Variants in RIMS1 observed in about 807,000 individuals in gnomAD.
The protein encoded by RIMS1 is regulating synaptic membrane exocytosis protein 1.
RIMS1 carries 83 observed loss-of-function variants against 214.1 expected under a neutral mutation model. That is an observed-to-expected ratio of 0.39 (90% CI 0.32 to 0.47). The LOEUF is 0.47. RIMS1 is among the 20% of genes least tolerant of loss of function. The pLI is 0.99. For missense variants in RIMS1, 2,050 were observed against 2,161.8 expected (o/e 0.95, Z 1.03); for synonymous variants, 793 against 786.8 (o/e 1.01, Z -0.13).
At chr6:72,207,506 A>G (rs2053134137) in intron 6 of RIMS1, among the ~76,000 whole-genome samples, 1 of 152,176 alleles carries the variant, frequency 6.6e-6, no homozygotes, top group South Asian at 2.1e-4. Context: ...GTCCATGACT[A>G]TACCTAGGAA....
chr6:71,905,636 A>T (rs1008856044), intron 1 of RIMS1, among the ~76,000 whole-genome samples: 2 of 152,188 alleles, frequency 1.3e-5, no homozygotes, highest in African/African-American at 4.8e-5. Flanking sequence ...TGATTTAAAA[A>T]AAATTAACTT....
Position 72,103,575 on chromosome 6 carries a change from A to T in RIMS1, c.471+3589A>T, listed in dbSNP as rs575226408. ...AAATTAGCCTTTTCTAGTATAAGGA[A>T]AGGGCTATGGTAGAAAGAGCTTCCA... On this transcript the variant is annotated intron_variant, in intron 4 of 33. Transcript: ENST00000521978. Among the ~76,000 whole-genome samples, 9 of 152,204 alleles carry T rather than the reference A, an allele frequency of 5.9e-5. No homozygotes were observed. In the East Asian group the frequency reaches 1.7e-3, roughly 29 times the overall value.
chr6:71,901,047 A>G (rs553151425), intron 1 of RIMS1, among the ~76,000 whole-genome samples: 1 of 152,256 alleles, frequency 6.6e-6, no homozygotes, highest in Non-Finnish European at 1.5e-5. Context: ...GGAAGAGAGT[A>G]TTTTGAGGAG....
intron 24 of RIMS1, 94 bp from the exon 25 acceptor site, chr6:72,290,585 T>C: frequency 1.9e-6 from 2 of 1,031,006 alleles, no homozygotes; most frequent in Admixed American, 4.7e-5. Context: ...TACTGTCATG[T>C]ACGAGTAACC....
intron 29 of RIMS1, among the ~76,000 whole-genome samples, chr6:72,360,720 A>G (rs989423200): frequency 1.1e-4 from 17 of 149,330 alleles, no homozygotes; most frequent in African/African-American, 3.9e-4. Flanking sequence ...TTTTTTTACT[A>G]TATATATAAA....
rs1254733260 is a variant in RIMS1 at position 71,986,190 on chromosome 6, G to T, written c.245+17127G>T. On this transcript the variant is annotated intron_variant, in intron 2 of 33. Transcript: ENST00000521978. ...AGAAACCATCACAACTTTGGGTTTT[G>T]TTTTTTTTTTTTTTTTTTAATGTTT... 3.3e-3 allele frequency among the ~76,000 whole-genome samples: 439 copies of T among 131,266 alleles called. 2 individuals carry two copies. Among genetic ancestry groups the T allele is most frequent in the Admixed American group, 3.8e-3 (50 of 13,186 alleles). 86.1% of individuals were successfully genotyped at this position (131,266 alleles called of 152,430 possible).
chr6:72,006,126 C>G (rs904439011), intron 2 of RIMS1, among the ~76,000 whole-genome samples: 1 of 152,136 alleles, frequency 6.6e-6, no homozygotes, highest in African/African-American at 2.4e-5. Flanking sequence ...AGCAAACTCT[C>G]ATGTCCATTC....
intron 6 of RIMS1, chr6:72,212,871 C>A: frequency 8.6e-7 from 1 of 1,163,542 alleles, no homozygotes; most frequent in Non-Finnish European, 1.1e-6. Context: ...AGTATTTTAT[C>A]CAAGCAGTCC....
intron 2 of RIMS1, among the ~76,000 whole-genome samples, chr6:71,994,858 T>C (rs1222177564): frequency 2.0e-5 from 3 of 152,220 alleles, no homozygotes; most frequent in Non-Finnish European, 2.9e-5. Flanking sequence ...ACTAAGTGCC[T>C]GGGGAAGGGA....
intron 2 of RIMS1, among the ~76,000 whole-genome samples, chr6:72,037,049 G>C (rs905288258): frequency 1.3e-5 from 2 of 151,912 alleles, no homozygotes; most frequent in Admixed American, 1.3e-4. Context: ...ATCAGGCCCA[G>C]AACCCTTTGC....
intron 28 of RIMS1, among the ~76,000 whole-genome samples, chr6:72,332,223 G>A (rs537771246): frequency 6.6e-6 from 1 of 151,746 alleles, no homozygotes; most frequent in Non-Finnish European, 1.5e-5. Flanking sequence ...AGTAGAAAAT[G>A]AAGAAGATCA....
In RIMS1 at chr6:72,400,081, T is replaced by G. The variant is rs550264427; in HGVS notation, c.4861-415T>G. Among the ~76,000 whole-genome samples, 10 of 152,356 alleles carry G rather than the reference T, an allele frequency of 6.6e-5. No homozygotes were observed. The South Asian group carries it at 1.9e-3, about 28-fold the overall frequency. On this transcript the variant is annotated intron_variant, in intron 33 of 33. Coordinates refer to ENST00000521978, the MANE Select transcript of RIMS1 (RefSeq NM_014989.7). ...TTTCTGGTACATACATTCCATGGTA[T>G]ACTGAGTTGGATTGCTCATCTTGCC...
chr6:71,914,658 A>G (rs374718436), intron 1 of RIMS1, among the ~76,000 whole-genome samples: 32 of 152,280 alleles, frequency 2.1e-4, no homozygotes, highest in Middle Eastern at 3.4e-3. Context: ...CAGACTTCTT[A>G]TTCTATAAAA....
chr6:72,020,459 G>A (rs775373677), intron 2 of RIMS1, among the ~76,000 whole-genome samples: 10 of 152,182 alleles, frequency 6.6e-5, no homozygotes, highest in Non-Finnish European at 1.0e-4. Context: ...TTTGCACCAT[G>A]TACCAGCAGC....
chr6:72,048,832 A>G (rs1823801049), intron 2 of RIMS1, among the ~76,000 whole-genome samples: 1 of 152,218 alleles, frequency 6.6e-6, no homozygotes, highest in Non-Finnish European at 1.5e-5. Flanking sequence ...GAAGGGGTGG[A>G]CTGCAGTCTG....
intron 4 of RIMS1, among the ~76,000 whole-genome samples, chr6:72,138,110 G>A (rs537069887): frequency 1.3e-5 from 2 of 151,916 alleles, no homozygotes; most frequent in East Asian, 3.9e-4. Context: ...GTGTATAGAC[G>A]GTTCAAAAAG....
intron 2 of RIMS1, among the ~76,000 whole-genome samples, chr6:72,092,291 C>CCCTTCCGTCCTTCCTTCCTTCCTT (rs1836480930): frequency 9.3e-6 from 1 of 107,938 alleles, no homozygotes; most frequent in African/African-American, 3.1e-5. Context: ...CTCCCTCCCT[C>CCCTTCCGTCCTTCCTTCCTTCCTT]CCTTCCTTCC....
At chr6:72,111,568 A>G (rs1240342388) in intron 4 of RIMS1, among the ~76,000 whole-genome samples, 1 of 152,136 alleles carries the variant, frequency 6.6e-6, no homozygotes, top group South Asian at 2.1e-4. Context: ...GTAAAGTTCC[A>G]CTTTTTCAAG....
chr6:72,110,629 A>G (rs2035869820), intron 4 of RIMS1, among the ~76,000 whole-genome samples: 1 of 150,266 alleles, frequency 6.7e-6, no homozygotes, highest in Non-Finnish European at 1.5e-5. Flanking sequence ...TTCTAGATAT[A>G]CAATCATGTC....
Sources: gnomAD v4.1 joint callset for allele counts (sites outside exome capture counted in the v4.1 genomes callset) on GRCh38, gnomAD v4.1.1 for gene constraint, MANE v1.5 for transcripts, NCBI Gene and HGNC (gene_info 2026-07-23, HGNC 2026-07-21) for gene names.